SUMF1: variants seen among roughly 807,000 people sequenced by gnomAD.
SUMF1 encodes sulfatase modifying factor 1, also known as formylglycine-generating enzyme.
A neutral mutation model predicts 47.6 loss-of-function variants in SUMF1; 48 were observed. The observed-to-expected ratio is 1.01, with a 90% CI of 0.80 to 1.28. SUMF1 has a LOEUF of 1.28. Among genes scored for constraint, SUMF1 ranks in the 50% most tolerant of loss-of-function variants. The probability of loss-of-function intolerance (pLI) is 0.00; values close to 1 mark genes in which losing one functional copy is unlikely to be tolerated. For synonymous variants in SUMF1, 230 were observed against 192.1 expected, an observed-to-expected ratio of 1.20 and a Z score of -1.63; for missense variants, 571 against 485.4, an observed-to-expected ratio of 1.18 and a Z score of -1.66.
chr3:4,211,203 C>CATATATATAT (rs57172340), intron 8 of SUMF1, among the ~76,000 whole-genome samples: 5 of 98,180 alleles, frequency 5.1e-5, no homozygotes, highest in South Asian at 3.6e-4. Context: ...TACATACATA[C>CATATATATAT]ATATATATAT....
At chr3:4,144,970 C>G (rs1694159187) in intron 8 of SUMF1, among the ~76,000 whole-genome samples, 1 of 152,020 alleles carries the variant, frequency 6.6e-6, no homozygotes, top group Admixed American at 6.6e-5. Context: ...GAGGCCAAGG[C>G]AGGTGGATCA....
At chr3:4,298,965 C>T (rs1388837970) in intron 8 of SUMF1, among the ~76,000 whole-genome samples, 1 of 152,206 alleles carries the variant, frequency 6.6e-6, no homozygotes, top group African/African-American at 2.4e-5. Flanking sequence ...TAAATCCTAT[C>T]CATCATTCAT....
rs562181963 is a variant in SUMF1, at chr3:4,052,849, G to A, written c.1191+15720C>T. ...TTAGGCTTTGGCTTAAAGAAATGTT[G>A]TATGTGGTTTAATGTTCCATCCAGA... On this transcript the variant is annotated intron_variant and NMD_transcript_variant, in intron 9 of 12. Transcript: ENST00000448413. Among the ~76,000 whole-genome samples the A allele has an allele frequency of 4.6e-5, 7 of 152,250 alleles. No homozygotes were observed. The East Asian group carries it at 1.3e-3, about 29-fold the overall frequency.
chr3:4,188,556 C>T (rs1695250764), intron 8 of SUMF1, among the ~76,000 whole-genome samples: 1 of 152,206 alleles, frequency 6.6e-6, no homozygotes, highest in Non-Finnish European at 1.5e-5. Flanking sequence ...AGGTTTTCCA[C>T]AAAACATGAG....
intron 8 of SUMF1, among the ~76,000 whole-genome samples, chr3:4,099,800 A>G (rs1386076923): frequency 6.6e-6 from 1 of 152,042 alleles, no homozygotes; most frequent in Non-Finnish European, 1.5e-5. Flanking sequence ...CAGTGTTTCT[A>G]TACACTAACC....
intron 8 of SUMF1, among the ~76,000 whole-genome samples, chr3:4,180,510 A>G (rs999168234): frequency 1.7e-4 from 26 of 151,412 alleles, no homozygotes; most frequent in African/African-American, 6.3e-4. Flanking sequence ...ACTTGGACAC[A>G]GGGCGAGGAA....
At chr3:4,159,301 T>C (rs1049048551) in intron 8 of SUMF1, among the ~76,000 whole-genome samples, 2 of 150,758 alleles carry the variant, frequency 1.3e-5, no homozygotes, top group African/African-American at 4.9e-5. Context: ...TGTGCATCCA[T>C]TGCATGTTTT....
intron 8 of SUMF1, among the ~76,000 whole-genome samples, chr3:4,363,045 G>A (rs1699819775): frequency 6.6e-6 from 1 of 152,162 alleles, no homozygotes; most frequent in Admixed American, 6.5e-5. Context: ...ACCACAATGT[G>A]CACAGTAGTT....
chr3:4,229,089 C>A (rs1696239961), intron 8 of SUMF1, among the ~76,000 whole-genome samples: 1 of 152,056 alleles, frequency 6.6e-6, no homozygotes, highest in Admixed American at 6.6e-5. Flanking sequence ...GGCAACTAGC[C>A]TCCAGGAATA....
chr3:4,148,813 T>C (rs1694253230), intron 8 of SUMF1, among the ~76,000 whole-genome samples: 1 of 152,142 alleles, frequency 6.6e-6, no homozygotes, highest in African/African-American at 2.4e-5. Context: ...TATAGACCCA[T>C]AAGGCAGAAA....
chr3:4,166,136 A>T (rs1190873124), intron 8 of SUMF1, among the ~76,000 whole-genome samples: 3 of 152,172 alleles, frequency 2.0e-5, no homozygotes, highest in Admixed American at 1.3e-4. Context: ...CTTAGACCAC[A>T]AACAGGACAG....
chr3:4,326,059 T>C (rs1276021157), intron 8 of SUMF1, among the ~76,000 whole-genome samples: 1 of 152,174 alleles, frequency 6.6e-6, no homozygotes, highest in Non-Finnish European at 1.5e-5. Context: ...TGACCTCAGG[T>C]GATCCTCCCA....
rs183714827 is a variant in SUMF1 at position 4,273,911 on chromosome 3, T to A, written c.1014+102419A>T. ...TCTGATCAGTGTTGTTTCTTTTTTT[T>A]AATCTAAACATAGGATATGGGGTTA... is the stretch of plus-strand genomic sequence containing the variant. On this transcript the variant is annotated intron_variant and NMD_transcript_variant, in intron 8 of 12. Coordinates refer to the SUMF1 transcript ENST00000448413. 1.6e-3 allele frequency among the ~76,000 whole-genome samples: 243 copies of A among 150,126 alleles called. 6 individuals carry two copies. In the East Asian group the frequency reaches 0.042, roughly 26 times the overall value.
chr3:4,127,065 C>T (rs369325892), intron 8 of SUMF1, among the ~76,000 whole-genome samples: 1 of 152,284 alleles, frequency 6.6e-6, no homozygotes, highest in South Asian at 2.1e-4. Flanking sequence ...AGGTCTCTCA[C>T]TGACCAGGTT....
intron 3 of SUMF1, among the ~76,000 whole-genome samples, chr3:4,429,401 TG>T: frequency 6.6e-6 from 1 of 152,218 alleles, no homozygotes; most frequent in Non-Finnish European, 1.5e-5. Context: ...TACAGAAAGT[TG>T]GAATGCCATC....
rs531381099 is a variant in SUMF1 at position 4,156,382 on chromosome 3, C to T, written c.1015-87637G>A. 1.2e-4 allele frequency among the ~76,000 whole-genome samples: 18 copies of T among 151,654 alleles called. No homozygotes were observed. The South Asian group carries it at 1.7e-3, about 14-fold the overall frequency. ...TAGAACTAATTAGTACCTAATCTAA[C>T]GTTATCTATATTTGCTAGAATGAAG... On this transcript the variant is annotated intron_variant and NMD_transcript_variant, in intron 8 of 12. Coordinates refer to the SUMF1 transcript ENST00000448413.
intron 6 of SUMF1, among the ~76,000 whole-genome samples, chr3:4,415,415 C>T (rs1701680237): frequency 6.6e-6 from 1 of 152,092 alleles, no homozygotes; most frequent in African/African-American, 2.4e-5. Flanking sequence ...AAACATGCCC[C>T]AAGTGTTCTG....
intron 8 of SUMF1, among the ~76,000 whole-genome samples, chr3:4,323,228 A>G (rs919391015): frequency 6.6e-6 from 1 of 152,080 alleles, no homozygotes; most frequent in Non-Finnish European, 1.5e-5. Flanking sequence ...ATACCAAAAA[A>G]TGCCCTTGAT....
chr3:4,273,089 T>TAC (rs1300073758), intron 8 of SUMF1, among the ~76,000 whole-genome samples: 1 of 149,074 alleles, frequency 6.7e-6, no homozygotes, highest in African/African-American at 2.4e-5. Context: ...TAAATATATA[T>TAC]ACACACATAT....
Sources: allele counts gnomAD v4.1 joint callset (sites outside exome capture counted in the v4.1 genomes callset), GRCh38; gene constraint gnomAD v4.1.1; transcripts MANE v1.5; gene names NCBI Gene and HGNC (gene_info 2026-07-23, HGNC 2026-07-21).